KHDRBS2: variants seen among roughly 807,000 people sequenced by gnomAD.
KHDRBS2 encodes KH domain-containing, RNA-binding, signal transduction-associated protein 2.
A neutral mutation model predicts 44.3 loss-of-function variants in KHDRBS2; 26 were observed. The observed-to-expected ratio is 0.59, with a 90% CI of 0.43 to 0.81. The LOEUF is 0.81. Ranked by LOEUF, KHDRBS2 falls within the 40% of genes least tolerant of loss-of-function variation. The pLI is 0.00. For synonymous variants in KHDRBS2, 194 were observed against 151.1 expected, an observed-to-expected ratio of 1.28 and a Z score of -2.08; for missense variants, 476 against 433.1, an observed-to-expected ratio of 1.10 and a Z score of -0.88.
chr6:61,865,660 A>G (rs1797675178), intron 6 of KHDRBS2, among the ~76,000 whole-genome samples: 2 of 152,156 alleles, frequency 1.3e-5, no homozygotes, highest in Middle Eastern at 6.8e-3. Flanking sequence ...ACATTTCAAA[A>G]CCAATCCTGC....
chr6:61,714,480 T>C (rs1771053280), intron 7 of KHDRBS2, among the ~76,000 whole-genome samples: 1 of 151,842 alleles, frequency 6.6e-6, no homozygotes, highest in Non-Finnish European at 1.5e-5. Context: ...AACTAGTATG[T>C]AGATTTCTCA....
chr6:62,208,370 C>T (rs186789941), intron 1 of KHDRBS2, among the ~76,000 whole-genome samples: 6 of 152,140 alleles, frequency 3.9e-5, no homozygotes, highest in Admixed American at 2.0e-4. Flanking sequence ...GCTGGGACTA[C>T]AGGGCACACC....
intron 2 of KHDRBS2, among the ~76,000 whole-genome samples, chr6:62,082,140 G>A (rs775146441): frequency 2.2e-4 from 33 of 152,106 alleles, no homozygotes; most frequent in Non-Finnish European, 3.7e-4. Context: ...TCTCTTAAAA[G>A]GGAGCTAATG....
intron 6 of KHDRBS2, among the ~76,000 whole-genome samples, chr6:61,881,420 G>C (rs1800194346): frequency 6.6e-6 from 1 of 151,666 alleles, no homozygotes; most frequent in Non-Finnish European, 1.5e-5. Flanking sequence ...TTGCATTCAG[G>C]AGATTCTATA....
At chr6:62,018,858 C>G (rs1781739584) in intron 3 of KHDRBS2, among the ~76,000 whole-genome samples, 1 of 152,066 alleles carries the variant, frequency 6.6e-6, no homozygotes, top group Non-Finnish European at 1.5e-5. Flanking sequence ...TTACTATTAT[C>G]TAATAATTGT....
At chr6:61,832,540 G>A (rs1455387237) in intron 6 of KHDRBS2, among the ~76,000 whole-genome samples, 3 of 151,812 alleles carry the variant, frequency 2.0e-5, no homozygotes, top group Non-Finnish European at 4.4e-5. Context: ...TTCCTCAAAG[G>A]AAATGATGTA....
At chr6:61,960,240 T>C (rs2127392725) in intron 4 of KHDRBS2, among the ~76,000 whole-genome samples, 1 of 152,218 alleles carries the variant, frequency 6.6e-6, no homozygotes, top group Admixed American at 6.6e-5. Flanking sequence ...ACCTATTCTC[T>C]TGTCCTTAAT....
intron 6 of KHDRBS2, among the ~76,000 whole-genome samples, chr6:61,843,389 C>T (rs1335487668): frequency 6.9e-6 from 1 of 143,946 alleles, no homozygotes; most frequent in Non-Finnish European, 1.5e-5. Context: ...TTGAGACAAT[C>T]TCACTCCCTC....
the KHDRBS2 span, among the ~76,000 whole-genome samples, chr6:61,628,757 G>A: frequency 1.3e-5 from 2 of 152,168 alleles, no homozygotes; most frequent in Admixed American, 6.5e-5. Flanking sequence ...TATGTGTTGT[G>A]TTGTATGTGG....
chr6:62,198,918 C>A (rs187005163), intron 1 of KHDRBS2, among the ~76,000 whole-genome samples: 2 of 152,112 alleles, frequency 1.3e-5, no homozygotes, highest in Non-Finnish European at 2.9e-5. Flanking sequence ...CCCTGGGAAG[C>A]GAGGCTGGTT....
chr6:62,114,031 C>T (rs182405455), intron 2 of KHDRBS2, among the ~76,000 whole-genome samples: 97 of 152,146 alleles, frequency 6.4e-4, no homozygotes, highest in African/African-American at 2.2e-3. Flanking sequence ...GAGAGATAAG[C>T]GCAAAGCAAA....
intron 2 of KHDRBS2, among the ~76,000 whole-genome samples, chr6:62,116,271 T>C (rs1806195725): frequency 6.6e-6 from 1 of 152,158 alleles, no homozygotes; most frequent in African/African-American, 2.4e-5. Context: ...ATAGTCACCG[T>C]GCTGTGGAAT....
chr6:61,578,352 G>T, the KHDRBS2 span, among the ~76,000 whole-genome samples: 10 of 152,134 alleles, frequency 6.6e-5, no homozygotes, highest in Non-Finnish European at 1.3e-4. Context: ...TCAAAAGTGT[G>T]TGTGAGAGAG....
At chr6:62,109,242 C>G (rs761447638) in intron 2 of KHDRBS2, among the ~76,000 whole-genome samples, 3 of 151,910 alleles carry the variant, frequency 2.0e-5, no homozygotes, top group Non-Finnish European at 4.4e-5. Flanking sequence ...ACCATATGAA[C>G]ATTCTGATCA....
chr6:61,993,659 AT>A lies in KHDRBS2; in HGVS notation c.337-15448del, dbSNP rs1172895025. ...TTCAGTCCCATAAAATCATATATAT[AT>A]ATATATATATATATTTTTTTTTTTT... On this transcript the variant is annotated intron_variant, in intron 3 of 8. Transcript: ENST00000281156. 1.2e-4 allele frequency among the ~76,000 whole-genome samples: 14 copies of A among 121,112 alleles called. 1 individual carries two copies. The highest frequency in any genetic ancestry group is 4.1e-4 in the African/African-American group (14 of 33,770). The allele number at this position is 121,112 out of a possible 152,430, so 79.5% of individuals were successfully genotyped here.
chr6:61,618,087 G>GT, the KHDRBS2 span, among the ~76,000 whole-genome samples: 1 of 152,246 alleles, frequency 6.6e-6, no homozygotes, highest in South Asian at 2.1e-4. Context: ...AATAAGCAAT[G>GT]TTTTTGTTGT....
At chr6:61,816,690 GAC>G in intron 6 of KHDRBS2, 1 of 422,268 alleles carries the variant, frequency 2.4e-6, no homozygotes, top group Non-Finnish European at 4.8e-6. Flanking sequence ...GTTTTGCAAA[GAC>G]AGACTCATTT....
At chr6:61,596,875 CT>C in the KHDRBS2 span, among the ~76,000 whole-genome samples, 10 of 152,222 alleles carry the variant, frequency 6.6e-5, no homozygotes, top group East Asian at 1.9e-3. Flanking sequence ...TGGTCTCAAT[CT>C]CTTGACCTCG....
chr6:62,078,550 A>G (rs1796789614), intron 2 of KHDRBS2, among the ~76,000 whole-genome samples: 1 of 152,012 alleles, frequency 6.6e-6, no homozygotes, highest in African/African-American at 2.4e-5. Flanking sequence ...GACTTCTAAG[A>G]GAAAAATATT....
Sources: gnomAD v4.1 joint callset for allele counts (sites outside exome capture counted in the v4.1 genomes callset) on GRCh38, gnomAD v4.1.1 for gene constraint, MANE v1.5 for transcripts, NCBI Gene and HGNC (gene_info 2026-07-23, HGNC 2026-07-21) for gene names.